Variants in FAT4 observed in about 807,000 individuals in gnomAD.
FAT4 encodes the protein protocadherin Fat 4.
Under a neutral mutation model 303.9 loss-of-function variants are expected in FAT4, and 84 were observed. That is an observed-to-expected ratio of 0.28 (90% CI 0.23 to 0.33). FAT4 has a LOEUF of 0.33. Among genes scored for constraint, FAT4 ranks in the 10% least tolerant of loss-of-function variants. FAT4 has a pLI of 1.00. For synonymous variants in FAT4, 2,307 were observed against 2,298.8 expected, an observed-to-expected ratio of 1.00 and a Z score of -0.10; for missense variants, 6,005 against 6,146.8, an observed-to-expected ratio of 0.98 and a Z score of 0.77.
At position 125,490,101 on chromosome 4, in the gene FAT4, C is replaced by T. The variant is rs1727562911; in HGVS notation, c.13285C>T (p.Pro4429Ser). The change falls in exon 18 of 18, where the codon CCT (proline) becomes TCT (serine). Residue 4429 changes from proline (P) to serine (S), a missense_variant. Coordinates refer to ENST00000394329, the MANE Select transcript of FAT4 (RefSeq NM_001291303.3). ...NQWYAYRCVP[P>S]GDCASHPCQN... is the part of the protein sequence containing the mutation. ...GTGGTATGCCTACAGGTGTGTCCCT[C>T]CTGGGGACTGTGCCTCCCACCCGTG... The T allele has an allele frequency of 6.2e-7, 1 of 1,614,070 alleles. No individual in the cohort carries two copies. The highest frequency in any genetic ancestry group is 8.5e-7 in the Non-Finnish European group (1 of 1,179,998).
intron 7 of FAT4, among the ~76,000 whole-genome samples, chr4:125,427,116 C>T (rs185702690): frequency 6.6e-6 from 1 of 151,774 alleles, no homozygotes; most frequent in East Asian, 1.9e-4. Flanking sequence ...TCTTTAATGT[C>T]CTCCAAATAG....
chr4:125,345,743 G>A (rs1039324967), intron 2 of FAT4, among the ~76,000 whole-genome samples: 21 of 151,870 alleles, frequency 1.4e-4, no homozygotes, highest in Admixed American at 7.2e-4. Context: ...GCTATAAATG[G>A]AATACAGATT....
chr4:125,319,283 C>A lies in FAT4; in HGVS notation c.2872C>A (p.His958Asn). 6.2e-7 allele frequency: 1 copy of A among 1,614,108 alleles called. No homozygotes were observed. Among genetic ancestry groups the A allele is most frequent in the Non-Finnish European group, 8.5e-7 (1 of 1,179,998 alleles). ...TISLLGPLDV[H>N]AGSYQIEILA... ...TAGTCTGCTTGGGCCCCTGGATGTT[C>A]ATGCTGGCTCCTACCAAATAGAGAT... Residue 958 changes from histidine (H) to asparagine (N), a missense_variant, in exon 2 of 18, where the codon CAT becomes AAT. By Grantham distance (68) the His-to-Asn change is moderately conservative. Transcript: ENST00000394329.
At position 125,332,191 on chromosome 4, in the gene FAT4, C is replaced by G. The variant is rs1262829113; in HGVS notation, c.5175+10605C>G. ...TTTTTTTTTTTCCTTTCTCAATTTC[C>G]TCAACAAGCCTGTAAGGAAGTCAAG... is the stretch of plus-strand genomic sequence containing the variant. On this transcript the variant is annotated intron_variant, in intron 2 of 17. Transcript: ENST00000394329. 6.4e-5 allele frequency among the ~76,000 whole-genome samples: 8 copies of G among 124,676 alleles called. No homozygotes were observed. In the Admixed American group the frequency reaches 7.0e-4, roughly 11 times the overall value. 81.8% of individuals were successfully genotyped at this position (124,676 alleles called of 152,430 possible).
intron 10 of FAT4, among the ~76,000 whole-genome samples, chr4:125,461,824 A>G (rs1397890137): frequency 1.3e-5 from 2 of 152,020 alleles, no homozygotes; most frequent in South Asian, 2.1e-4. Flanking sequence ...AAAAAAATCT[A>G]CATCACTAAA....
chr4:125,323,857 A>G (rs1468590849), intron 2 of FAT4, among the ~76,000 whole-genome samples: 4 of 152,202 alleles, frequency 2.6e-5, no homozygotes, highest in African/African-American at 9.6e-5. Context: ...ATGTACACTG[A>G]TAAGAGTCTG....
rs1730840008 is a variant in FAT4, at chr4:125,319,665, A to T, written c.3254A>T (p.Asn1085Ile). The T allele has an allele frequency of 6.2e-7, 1 of 1,613,898 alleles. No homozygotes were observed. Among genetic ancestry groups the T allele is most frequent in the South Asian group, 1.1e-5 (1 of 91,076 alleles). Reference sequence around the variant, plus strand: ...GTGGAACCCCTTAGTGCTACTGTGAATGTTACTGTAATTTTAGAAGATGTA... The same window carrying T: ...GTGGAACCCCTTAGTGCTACTGTGATTGTTACTGTAATTTTAGAAGATGTA... The part of the protein sequence containing the change: ...RAVEPLSATV[N>I]VTVILEDVND... Residue 1085 changes from asparagine (N) to isoleucine (I), a missense_variant, in exon 2 of 18, where the codon AAT becomes ATT. Coordinates refer to ENST00000394329, the MANE Select transcript of FAT4 (RefSeq NM_001291303.3).
At chr4:125,351,550 T>C (rs1007648112) in intron 2 of FAT4, among the ~76,000 whole-genome samples, 1 of 151,756 alleles carries the variant, frequency 6.6e-6, no homozygotes, top group Non-Finnish European at 1.5e-5. Context: ...CATTTCTCTC[T>C]GTCTTCACAA....
In FAT4 at chr4:125,446,333, C is replaced by A. The variant is rs369092138; in HGVS notation, c.7240C>A (p.Pro2414Thr). ...IGGNSQFTIN[P>T]STGQIITSAL... ...TGGAAACTCTCAGTTCACGATCAAC[C>A]CATCGACAGGACAAATCATCACCAG... Residue 2414 changes from proline to threonine, a missense_variant, in exon 9 of 18, where the codon CCA becomes ACA. By Grantham distance (38) the Pro-to-Thr change is conservative. Transcript: ENST00000394329. The A allele has an allele frequency of 7.7e-5, 124 of 1,613,006 alleles. No homozygotes were observed. The highest frequency in any genetic ancestry group is 9.7e-5 in the Non-Finnish European group (114 of 1,179,274).
intron 2 of FAT4, among the ~76,000 whole-genome samples, chr4:125,365,383 T>A (rs1459031719): frequency 6.6e-6 from 1 of 152,184 alleles, no homozygotes; most frequent in Non-Finnish European, 1.5e-5. Flanking sequence ...TCTCTTCTCA[T>A]CATTCAAGCT....
chr4:125,407,157 C>G lies in FAT4; in HGVS notation c.5569+16C>G, dbSNP rs201160284. ...ACAATCCCTGGTAGGTGATGGGTCT[C>G]TTATGTGTATTTTGCAAGAATCGCT... On this transcript the variant is annotated intron_variant, in intron 4 of 17. Coordinates refer to ENST00000394329, the MANE Select transcript of FAT4 (RefSeq NM_001291303.3). 37 of 1,590,914 alleles carry G rather than the reference C, an allele frequency of 2.3e-5. No homozygotes were observed. Among genetic ancestry groups the G allele is most frequent in the Non-Finnish European group, 3.1e-5 (36 of 1,165,658 alleles).
Position 125,319,085 on chromosome 4 carries a change from C to A in FAT4, c.2674C>A (p.His892Asn). 4.3e-6 allele frequency: 7 copies of A among 1,614,148 alleles called. No homozygotes were observed. Among genetic ancestry groups the A allele is most frequent in the Non-Finnish European group, 5.9e-6 (7 of 1,180,028 alleles). ...TAAGGATTTGAATGACAACTCTCCC[C>A]ATTTCCTTCAGGCAATAGAGAGTGT... ...TVKDLNDNSPHFLQAIESVNV... is the reference protein window; with the variant it reads ...TVKDLNDNSPNFLQAIESVNV... The change falls in exon 2 of 18, where the codon CAT (histidine) becomes AAT (asparagine). Residue 892 changes from histidine to asparagine, a missense_variant. By Grantham distance (68) the His-to-Asn change is moderately conservative (BLOSUM62 1). Coordinates refer to ENST00000394329, the MANE Select transcript of FAT4 (RefSeq NM_001291303.3).
At chr4:125,463,064 C>T (rs1348116068) in intron 10 of FAT4, among the ~76,000 whole-genome samples, 1 of 151,920 alleles carries the variant, frequency 6.6e-6, no homozygotes, top group East Asian at 1.9e-4. Flanking sequence ...TTTCTTATTT[C>T]TTATTCTGCT....
chr4:125,364,066 G>C (rs1361692035), intron 2 of FAT4, among the ~76,000 whole-genome samples: 1 of 152,054 alleles, frequency 6.6e-6, no homozygotes, highest in East Asian at 1.9e-4. Context: ...TTGATGGACT[G>C]ATGGAGGTTC....
chr4:125,424,513 C>T (rs1214620621), intron 7 of FAT4, among the ~76,000 whole-genome samples: 1 of 152,072 alleles, frequency 6.6e-6, no homozygotes, highest in Non-Finnish European at 1.5e-5. Context: ...TTGCCCAGTC[C>T]CAGGTATGGC....
At chr4:125,461,592 A>G (rs911281504) in intron 10 of FAT4, among the ~76,000 whole-genome samples, 5 of 152,034 alleles carry the variant, frequency 3.3e-5, no homozygotes, top group African/African-American at 1.2e-4. Flanking sequence ...TATTTTATAC[A>G]TGTTACTTTT....
intron 4 of FAT4, among the ~76,000 whole-genome samples, chr4:125,407,851 A>G (rs946379650): frequency 6.6e-6 from 1 of 152,030 alleles, no homozygotes; most frequent in African/African-American, 2.4e-5. Context: ...TTTATTCTGA[A>G]TTACATTTGG....
In FAT4 at chr4:125,389,369, A is replaced by C. The variant is rs2126005177; in HGVS notation, c.5176-9415A>C. On this transcript the variant is annotated intron_variant, in intron 2 of 17. Transcript: ENST00000394329. ...TTCTTGTACTAAAGTGTTTCCTGTG[A>C]AATAACGTAATAAAATGGCCTTTAG... Among the ~76,000 whole-genome samples, 3 of 152,276 alleles carry C rather than the reference A, an allele frequency of 2.0e-5. No homozygotes were observed. The South Asian group carries it at 6.2e-4, about 32-fold the overall frequency.
At chr4:125,459,624 A>G (rs1463805618) in intron 10 of FAT4, among the ~76,000 whole-genome samples, 1 of 152,062 alleles carries the variant, frequency 6.6e-6, no homozygotes, top group Admixed American at 6.6e-5. Flanking sequence ...AACAGCTGCT[A>G]TGGCAGTAAA....
Sources: allele counts gnomAD v4.1 joint callset (sites outside exome capture counted in the v4.1 genomes callset), GRCh38; gene constraint gnomAD v4.1.1; transcripts MANE v1.5; gene names NCBI Gene and HGNC (gene_info 2026-07-23, HGNC 2026-07-21).